Variants in FMO3 observed in about 807,000 individuals in gnomAD.
FMO3 encodes the protein flavin containing dimethylaniline monoxygenase 3.
In FMO3, 40 loss-of-function variants were observed where a neutral mutation model predicts 39.4. That is an observed-to-expected ratio of 1.02 (90% CI 0.79 to 1.32). The LOEUF is 1.32. FMO3 is among the 40% of genes most tolerant of loss of function. The pLI is 0.00. For missense variants in FMO3, 680 were observed against 651.8 expected (o/e 1.04, Z -0.47); for synonymous variants, 219 against 228.8 (o/e 0.96, Z 0.39).
Position 171,110,982 on chromosome 1 carries a change from T to G in FMO3, c.812T>G (p.Leu271Trp). 6.2e-7 allele frequency: 1 copy of G among 1,613,688 alleles called. No individual in the cohort carries two copies. Among genetic ancestry groups the G allele is most frequent in the Non-Finnish European group, 8.5e-7 (1 of 1,179,770 alleles). Residue 271 changes from leucine to tryptophan, a missense_variant, in exon 6 of 9, where the codon TTG (leucine) becomes TGG (tryptophan). Coordinates refer to ENST00000367755, the MANE Select transcript of FMO3 (RefSeq NM_001002294.3). Reference sequence around the variant, plus strand: ...AGATTCAAGCATGAAAACTATGGCTTGATGCCTTTAAATGGGTAATGCAGA... The same window carrying G: ...AGATTCAAGCATGAAAACTATGGCTGGATGCCTTTAAATGGGTAATGCAGA... ...NARFKHENYG[L>W]MPLNGVLRKE... is the part of the protein sequence containing the mutation.
At chr1:171,101,776 G>A in intron 2 of FMO3, 1 of 513,094 alleles carries the variant, frequency 1.9e-6, no homozygotes, top group Admixed American at 2.0e-5. Flanking sequence ...CCACATTTCT[G>A]AATAGGCCAC....
intron 2 of FMO3, among the ~76,000 whole-genome samples, chr1:171,096,273 TATTA>T (rs1655039995): frequency 2.1e-5 from 1 of 48,056 alleles, no homozygotes; most frequent in African/African-American, 1.1e-4. Context: ...TATATATAAA[TATTA>T]TATATATTAT....
Position 171,117,736 on chromosome 1 carries a change from C to A in FMO3, c.*294C>A. Reference sequence around the variant, plus strand: ...TAAATCATTTCCTGAAACATTTTGACATGATTCCTTTTTCCTTTTAAACAA... The same window carrying A: ...TAAATCATTTCCTGAAACATTTTGAAATGATTCCTTTTTCCTTTTAAACAA... On this transcript the variant is annotated 3_prime_UTR_variant, in exon 9 of 9. Transcript: ENST00000367755. 3.6e-6 allele frequency: 1 copy of A among 277,358 alleles called. No homozygotes were observed. The highest frequency in any genetic ancestry group is 6.8e-6 in the Non-Finnish European group (1 of 148,072). 17.2% of individuals were successfully genotyped at this position (277,358 alleles called of 1,614,324 possible).
intron 3 of FMO3, among the ~76,000 whole-genome samples, chr1:171,105,879 A>C (rs1315262959): frequency 6.6e-6 from 1 of 152,132 alleles, no homozygotes; most frequent in African/African-American, 2.4e-5. Flanking sequence ...AATTGTCTTG[A>C]ACCAGCAAAA....
In FMO3 at chr1:171,114,187, C is replaced by A. The variant is rs1224292643; in HGVS notation, c.1008C>A (p.Pro336=). The stretch of plus-strand genomic sequence containing the variant: ...CAACAGGGTATAGTTTTGCCTACCC[C>A]TTCCTTGATGAGTCTATCATCAAAA... The part of the protein sequence containing the change: ...IFATGYSFAY[P]FLDESIIKSR... The change falls in exon 7 of 9, where the codon CCC becomes CCA. Residue 336 remains proline (P), a synonymous_variant. Transcript: ENST00000367755. 2 of 1,613,926 alleles carry A rather than the reference C, an allele frequency of 1.2e-6. No homozygotes were observed. The highest frequency in any genetic ancestry group is 1.7e-6 in the Non-Finnish European group (2 of 1,179,958).
intron 2 of FMO3, among the ~76,000 whole-genome samples, chr1:171,103,460 T>C (rs1655496800): frequency 1.3e-5 from 2 of 152,068 alleles, no homozygotes. Context: ...CAACCCACCA[T>C]TGATTTAAAA....
At chr1:171,109,259 G>A (rs1417367171) in intron 5 of FMO3, among the ~76,000 whole-genome samples, 1 of 152,144 alleles carries the variant, frequency 6.6e-6, no homozygotes, top group African/African-American at 2.4e-5. Flanking sequence ...CGAATCCAAG[G>A]AACAGTAGTC....
At chr1:171,113,810 G>T (rs758613999) in intron 6 of FMO3, among the ~76,000 whole-genome samples, 197 bp from the exon 7 acceptor site, 1 of 152,040 alleles carries the variant, frequency 6.6e-6, no homozygotes, top group Non-Finnish European at 1.5e-5. Flanking sequence ...TAGAGATGGG[G>T]CCAGCAAATA....
intron 5 of FMO3, among the ~76,000 whole-genome samples, chr1:171,110,385 G>A (rs763620991): frequency 1.8e-4 from 28 of 152,192 alleles, no homozygotes; most frequent in Non-Finnish European, 3.1e-4. Context: ...TTTGCCTGCA[G>A]CACTGTGACA....
chr1:171,097,116 G>A (rs1571205222), intron 2 of FMO3, among the ~76,000 whole-genome samples: 2 of 149,738 alleles, frequency 1.3e-5, no homozygotes, highest in African/African-American at 5.0e-5. Flanking sequence ...CAAAGGACAT[G>A]AACTCATCAT....
chr1:171,116,264 G>C lies in FMO3; in HGVS notation c.1240G>C (p.Glu414Gln), dbSNP rs1656146760. The C allele has an allele frequency of 1.3e-6, 2 of 1,591,266 alleles. No homozygotes were observed. Among genetic ancestry groups the C allele is most frequent in the Non-Finnish European group, 1.7e-6 (2 of 1,159,838 alleles). ...DMMNDINEKMEKKRKWFGKSE... is the reference protein window; with the variant it reads ...DMMNDINEKMQKKRKWFGKSE... The stretch of plus-strand genomic sequence containing the variant: ...GATGAATGATATTAATGAGAAAATG[G>C]AGAAAAAGCGCAAATGGTAAGAGTA... Residue 414 changes from glutamate to glutamine, a missense_variant, in exon 8 of 9, where the codon GAG becomes CAG. Transcript: ENST00000367755.
chr1:171,113,927 T>C (rs1469982876), intron 6 of FMO3, 80 bp from the exon 7 acceptor site: 1 of 1,043,624 alleles, frequency 9.6e-7, no homozygotes, highest in Non-Finnish European at 1.4e-6. Flanking sequence ...ATTTTTTCCT[T>C]CCTTATCAAT....
chr1:171,103,930 C>T lies in FMO3; in HGVS notation c.278C>T (p.Ala93Val), dbSNP rs1302511152. 1.2e-6 allele frequency: 2 copies of T among 1,613,828 alleles called. No individual in the cohort carries two copies. Among genetic ancestry groups the T allele is most frequent in the Admixed American group, 1.7e-5 (1 of 59,956 alleles). Residue 93 changes from alanine to valine, a missense_variant, in exon 3 of 9, where the codon GCA becomes GTA. Coordinates refer to ENST00000367755, the MANE Select transcript of FMO3 (RefSeq NM_001002294.3). Reference protein sequence around the residue: ...HNSKIQEYIIAFAKEKNLLKY... With the variant: ...HNSKIQEYIIVFAKEKNLLKY... The stretch of plus-strand genomic sequence containing the variant: ...AGCAAGATCCAGGAATATATCATTG[C>T]ATTTGCCAAAGAAAAGAACCTCCTG...
In FMO3 at chr1:171,110,883, G is replaced by C. The variant is rs748324481; in HGVS notation, c.713G>C (p.Arg238Pro). 2 of 1,614,026 alleles carry C rather than the reference G, an allele frequency of 1.2e-6. No individual in the cohort carries two copies. The highest frequency in any genetic ancestry group is 1.7e-6 in the Non-Finnish European group (2 of 1,179,950). Residue 238 changes from arginine to proline, a missense_variant, in exon 6 of 9, where the codon CGA becomes CCA. Coordinates refer to ENST00000367755, the MANE Select transcript of FMO3 (RefSeq NM_001002294.3). ...GYPWDMLLVT[R>P]FGTFLKNNLP... ...CCTTGGGACATGCTGCTCGTCACTC[G>C]ATTTGGAACCTTCCTCAAGAACAAT...
rs1656146010 is a variant in FMO3, at chr1:171,116,258, A to G, written c.1234A>G (p.Lys412Glu). 6.3e-7 allele frequency: 1 copy of G among 1,597,630 alleles called. No homozygotes were observed. The highest frequency in any genetic ancestry group is 1.3e-5 in the African/African-American group (1 of 74,668). The change falls in exon 8 of 9, where the codon AAA becomes GAA. Residue 412 changes from lysine to glutamate, a missense_variant. Physicochemically the swap from Lys to Glu is moderately conservative, Grantham distance 56. Transcript: ENST00000367755. ...MEDMMNDINE[K>E]MEKKRKWFGK... ...AGACATGATGAATGATATTAATGAG[A>G]AAATGGAGAAAAAGCGCAAATGGTA...
At chr1:171,096,028 ATAT>A (rs1271203008) in intron 2 of FMO3, among the ~76,000 whole-genome samples, 738 of 55,338 alleles carry the variant, frequency 0.013, 41 homozygotes, top group African/African-American at 0.052. Flanking sequence ...ATATATTAAT[ATAT>A]AATATATATT....
At chr1:171,091,516 C>T (rs570835382) in intron 1 of FMO3, among the ~76,000 whole-genome samples, 13 of 151,876 alleles carry the variant, frequency 8.6e-5, no homozygotes, top group Admixed American at 2.0e-4. Context: ...AGTTAGGAAA[C>T]GTAATTTTCT....
chr1:171,103,114 C>T (rs1655480784), intron 2 of FMO3, among the ~76,000 whole-genome samples: 1 of 152,106 alleles, frequency 6.6e-6, no homozygotes, highest in Non-Finnish European at 1.5e-5. Flanking sequence ...CATGAGTTGA[C>T]ACATTGAAAT....
rs780449159 is a variant in FMO3 at position 171,108,214 on chromosome 1, C to T, written c.620C>T (p.Ala207Val). 6.8e-6 allele frequency: 11 copies of T among 1,613,772 alleles called. No homozygotes were observed. The highest frequency in any genetic ancestry group is 9.3e-6 in the Non-Finnish European group (11 of 1,179,844). The part of the protein sequence containing the change: ...CDIATELSRT[A>V]EQVMISSRSG... ...ATTGCCACAGAACTCAGCCGCACAG[C>T]AGAACAGGTACTACTCCCCGGGTAC... The change falls in exon 5 of 9, where the codon GCA (alanine) becomes GTA (valine). Residue 207 changes from alanine (A) to valine (V), a missense_variant. Transcript: ENST00000367755.
Sources: gnomAD v4.1 joint callset for allele counts (sites outside exome capture counted in the v4.1 genomes callset) on GRCh38, gnomAD v4.1.1 for gene constraint, MANE v1.5 for transcripts, NCBI Gene and HGNC (gene_info 2026-07-23, HGNC 2026-07-21) for gene names.